ABCG2: variants seen among roughly 807,000 people sequenced by gnomAD.
ABCG2 encodes broad substrate specificity ATP-binding cassette transporter ABCG2.
Under a neutral mutation model 73.5 loss-of-function variants are expected in ABCG2, and 80 were observed. The ratio of observed to expected loss-of-function variants is 1.09; its 90% CI spans 0.91 to 1.31. The LOEUF is 1.31. Ranked by LOEUF, ABCG2 falls within the 50% of genes most tolerant of loss-of-function variation. The pLI, the probability that ABCG2 is intolerant of heterozygous loss-of-function variation, is 0.00. For synonymous variants in ABCG2, 269 were observed against 282.4 expected (o/e 0.95, Z 0.48); for missense variants, 796 against 786.2 (o/e 1.01, Z -0.15).
chr4:88,219,638 A>G (rs912646874), intron 1 of ABCG2, among the ~76,000 whole-genome samples: 1 of 127,404 alleles, frequency 7.8e-6, no homozygotes, highest in Non-Finnish European at 1.6e-5. Flanking sequence ...CTGGAGTGCA[A>G]TGGCGCGATC....
At chr4:88,171,304 G>A (rs1560735317) in intron 1 of ABCG2, among the ~76,000 whole-genome samples, 1 of 148,458 alleles carries the variant, frequency 6.7e-6, no homozygotes, top group Non-Finnish European at 1.5e-5. Flanking sequence ...AGGTTATTCT[G>A]TTCATGTATA....
At chr4:88,130,649 T>C (rs992178255) in intron 5 of ABCG2, among the ~76,000 whole-genome samples, 1 of 152,050 alleles carries the variant, frequency 6.6e-6, no homozygotes, top group African/African-American at 2.4e-5. Flanking sequence ...TCATCACTTA[T>C]CAATCCCAGA....
intron 1 of ABCG2, among the ~76,000 whole-genome samples, chr4:88,196,920 A>G (rs1047169204): frequency 6.6e-6 from 1 of 152,086 alleles, no homozygotes; most frequent in Non-Finnish European, 1.5e-5. Context: ...AGGCTAACCT[A>G]TTGAGGTTTT....
Position 88,230,324 on chromosome 4 carries a change from CA to C in ABCG2, c.-20+669del, listed in dbSNP as rs1730413700. On this transcript the variant is annotated intron_variant, in intron 1 of 15. Transcript: ENST00000515655. Reference sequence around the variant, plus strand: ...ATATATATATTTTTTTTTTTGGCCACATATATATATATATATATATATTTTT... The same window carrying C: ...ATATATATATTTTTTTTTTTGGCCACTATATATATATATATATATATTTTT... 1.6e-5 allele frequency among the ~76,000 whole-genome samples: 2 copies of C among 123,454 alleles called. 1 individual carries two copies. Among genetic ancestry groups the C allele is most frequent in the African/African-American group, 6.7e-5 (2 of 29,956 alleles). 81.0% of individuals were successfully genotyped at this position (123,454 alleles called of 152,430 possible). A position where few individuals can be genotyped will look rare whatever the true frequency, so the allele number is the denominator to read the frequency against.
chr4:88,120,454 G>A (rs1201074031), intron 6 of ABCG2, among the ~76,000 whole-genome samples: 3 of 152,174 alleles, frequency 2.0e-5, no homozygotes, highest in Admixed American at 6.5e-5. Context: ...AGCCACAAAA[G>A]GGGCTGTGCC....
chr4:88,215,240 C>T (rs554342856), intron 1 of ABCG2, among the ~76,000 whole-genome samples: 52 of 152,162 alleles, frequency 3.4e-4, no homozygotes, highest in African/African-American at 1.2e-3. Context: ...GAGTGTACTC[C>T]CCCAGGATTT....
At chr4:88,201,416 T>C (rs1729160298) in intron 1 of ABCG2, among the ~76,000 whole-genome samples, 1 of 152,188 alleles carries the variant, frequency 6.6e-6, no homozygotes, top group African/African-American at 2.4e-5. Flanking sequence ...CCTTGAAAGA[T>C]GCAATCTGCC....
At chr4:88,136,767 A>G (rs759565577) in intron 2 of ABCG2, among the ~76,000 whole-genome samples, 27 of 151,896 alleles carry the variant, frequency 1.8e-4, no homozygotes, top group Non-Finnish European at 2.8e-4. Context: ...TGTAATCCCT[A>G]CATTTTGGGA....
intron 1 of ABCG2, among the ~76,000 whole-genome samples, chr4:88,146,788 G>A (rs1382299608): frequency 6.6e-6 from 1 of 151,898 alleles, no homozygotes; most frequent in African/African-American, 2.4e-5. Context: ...AGGATCCCTT[G>A]AGGGTCCATG....
chr4:88,141,431 C>G (rs776360175), intron 1 of ABCG2, among the ~76,000 whole-genome samples: 2 of 152,146 alleles, frequency 1.3e-5, no homozygotes, highest in Non-Finnish European at 2.9e-5. Flanking sequence ...GAAGCCTCTA[C>G]TATTTCTGAG....
rs192209322 is a variant in ABCG2, at chr4:88,205,705, C to T, written c.-20+25289G>A. Among the ~76,000 whole-genome samples, 274 of 151,630 alleles carry T rather than the reference C, an allele frequency of 1.8e-3. 1 individual carries two copies. Among genetic ancestry groups the T allele is most frequent in the African/African-American group, 6.1e-3 (254 of 41,366 alleles). On this transcript the variant is annotated intron_variant, in intron 1 of 15. Coordinates refer to the ABCG2 transcript ENST00000515655. ...TTTATTTATTTATTTATTTTTGAGACGGAGTCTTGCTCTGTCGCCCAGGCT... is the reference window on the plus strand; with the variant it reads ...TTTATTTATTTATTTATTTTTGAGATGGAGTCTTGCTCTGTCGCCCAGGCT...
intron 8 of ABCG2, among the ~76,000 whole-genome samples, chr4:88,114,046 T>C (rs35427222): frequency 0.2 from 30,818 of 152,020 alleles, 4,135 homozygotes; most frequent in Non-Finnish European, 0.29. Flanking sequence ...CTCACTCCTG[T>C]AATCCCAGTA....
intron 1 of ABCG2, among the ~76,000 whole-genome samples, chr4:88,204,294 G>A (rs1273615690): frequency 6.6e-6 from 1 of 152,160 alleles, no homozygotes; most frequent in Admixed American, 6.5e-5. Flanking sequence ...GGTGACAGGC[G>A]CCTGTAGTCC....
At chr4:88,103,185 A>G (rs528419280) in intron 10 of ABCG2, among the ~76,000 whole-genome samples, 12 of 152,336 alleles carry the variant, frequency 7.9e-5, no homozygotes, top group African/African-American at 2.6e-4. Flanking sequence ...ACCTAATATC[A>G]AGTAAAAAGC....
At chr4:88,162,232 C>G (rs1727350039), upstream of ABCG2, among the ~76,000 whole-genome samples, 1 of 151,832 alleles carries the variant, frequency 6.6e-6, no homozygotes, top group African/African-American at 2.4e-5. Flanking sequence ...TTCATTTGTT[C>G]TGGGTAGTAA....
At chr4:88,139,134 C>G (rs1725444809) in intron 2 of ABCG2, among the ~76,000 whole-genome samples, 1 of 149,348 alleles carries the variant, frequency 6.7e-6, no homozygotes, top group South Asian at 2.2e-4. Flanking sequence ...GAGCGAGACT[C>G]CCTCTCAAAA....
chr4:88,113,213 G>A, intron 9 of ABCG2, 90 bp downstream of exon 9: 3 of 1,464,566 alleles, frequency 2.0e-6, no homozygotes, highest in Non-Finnish European at 2.8e-6. Context: ...ATAATTGGAA[G>A]GGTGGGTAGA....
chr4:88,229,872 C>T (rs543415418), intron 1 of ABCG2, among the ~76,000 whole-genome samples: 5 of 152,176 alleles, frequency 3.3e-5, no homozygotes, highest in Non-Finnish European at 7.4e-5. Flanking sequence ...AAAATACATT[C>T]TATTCCCTAT....
rs146004187 is a variant in ABCG2 at position 88,139,889 on chromosome 4, A to G, written c.107T>C (p.Val36Ala). 2 of 1,614,066 alleles carry G rather than the reference A, an allele frequency of 1.2e-6. No homozygotes were observed. The highest frequency in any genetic ancestry group is 1.7e-6 in the Non-Finnish European group (2 of 1,180,032). ...ATAGCAGATGTTATGAAAACTTAAC[A>G]CAGCTCCTTCAGTAAATGCCTTCAG... The part of the protein sequence containing the change: ...NDLKAFTEGA[V>A]LSFHNICYRV... Residue 36 changes from valine (V) to alanine (A), a missense_variant, in exon 2 of 16, where the codon GTG becomes GCG. Val to Ala is a moderately conservative substitution (Grantham distance 64, BLOSUM62 0). Coordinates refer to ENST00000237612, the MANE Select transcript of ABCG2 (RefSeq NM_004827.3).
Sources: gnomAD v4.1 joint callset for allele counts (sites outside exome capture counted in the v4.1 genomes callset) on GRCh38, gnomAD v4.1.1 for gene constraint, MANE v1.5 for transcripts, NCBI Gene and HGNC (gene_info 2026-07-23, HGNC 2026-07-21) for gene names.